SNX7: variants seen among roughly 807,000 people sequenced by gnomAD.
SNX7 encodes sorting nexin 7, also known as sorting nexin-7.
SNX7 carries 35 observed loss-of-function variants against 48.4 expected under a neutral mutation model. The observed-to-expected ratio is 0.72, with a 90% CI of 0.55 to 0.96. The LOEUF (loss-of-function observed/expected upper bound fraction) is 0.96, where lower values mean the gene tolerates loss of function less well. Ranked by LOEUF, SNX7 falls within the 40% of genes least tolerant of loss-of-function variation. The pLI, the probability that SNX7 is intolerant of heterozygous loss-of-function variation, is 0.00. For synonymous variants in SNX7, 190 were observed against 190.2 expected, an observed-to-expected ratio of 1.00 and a Z score of 0.01; for missense variants, 553 against 548.9, an observed-to-expected ratio of 1.01 and a Z score of -0.07.
chr1:98,725,229 A>G (rs1024585544), intron 7 of SNX7, among the ~76,000 whole-genome samples: 6 of 152,176 alleles, frequency 3.9e-5, no homozygotes, highest in African/African-American at 1.4e-4. Context: ...ATATCTATGA[A>G]AATTATTCCA....
At chr1:98,715,802 G>A (rs186719476) in intron 7 of SNX7, among the ~76,000 whole-genome samples, 48 of 152,160 alleles carry the variant, frequency 3.2e-4, no homozygotes, top group African/African-American at 1.1e-3. Flanking sequence ...GGTAGAAAAA[G>A]TTATGTTTAG....
At chr1:98,754,937 T>C (rs1654768961) in intron 8 of SNX7, among the ~76,000 whole-genome samples, 1 of 151,998 alleles carries the variant, frequency 6.6e-6, no homozygotes, top group Non-Finnish European at 1.5e-5. Flanking sequence ...TGTAGGCATT[T>C]AGTGCTAAAA....
intron 1 of SNX7, among the ~76,000 whole-genome samples, chr1:98,668,567 A>T (rs9324392): frequency 1 from 151,900 of 152,328 alleles, 75,737 homozygotes; most frequent in Middle Eastern, 1. Context: ...AACAGTTTTG[A>T]CACACGTATT....
Position 98,691,586 on chromosome 1 carries a change from G to A in SNX7, c.526G>A (p.Asp176Asn). ...AGGAATGGTGGAACGCTTTAACGATGACTTCATTGAGACACGCAGGAAGGC... is the reference window on the plus strand; with the variant it reads ...AGGAATGGTGGAACGCTTTAACGATAACTTCATTGAGACACGCAGGAAGGC... ...VKGMVERFND[D>N]FIETRRKALH... Residue 176 changes from aspartate (D) to asparagine (N), a missense_variant, in exon 4 of 9, where the codon GAC (aspartate) becomes AAC (asparagine). Asp to Asn is a conservative substitution (Grantham distance 23, BLOSUM62 1). Coordinates refer to ENST00000306121, the MANE Select transcript of SNX7 (RefSeq NM_015976.5). 1 of 1,608,844 alleles carries A rather than the reference G, an allele frequency of 6.2e-7. No individual in the cohort carries two copies. Among genetic ancestry groups the A allele is most frequent in the Non-Finnish European group, 8.5e-7 (1 of 1,177,520 alleles).
chr1:98,723,192 C>A (rs1652976783), intron 7 of SNX7, among the ~76,000 whole-genome samples: 1 of 152,210 alleles, frequency 6.6e-6, no homozygotes, highest in South Asian at 2.1e-4. Flanking sequence ...AGAACAACAA[C>A]CCTGCTTTGT....
intron 7 of SNX7, among the ~76,000 whole-genome samples, chr1:98,713,707 A>C (rs1652439840): frequency 6.6e-6 from 1 of 152,178 alleles, no homozygotes; most frequent in Non-Finnish European, 1.5e-5. Context: ...TCATATTTCA[A>C]TATTATTGTC....
At chr1:98,727,120 G>A (rs1354640689) in intron 7 of SNX7, among the ~76,000 whole-genome samples, 1 of 152,062 alleles carries the variant, frequency 6.6e-6, no homozygotes, top group East Asian at 1.9e-4. Flanking sequence ...CAAGGCAGGA[G>A]AATGGCGTGA....
intron 7 of SNX7, among the ~76,000 whole-genome samples, chr1:98,731,849 A>C (rs1653530888): frequency 1.3e-5 from 2 of 152,226 alleles, no homozygotes; most frequent in Non-Finnish European, 2.9e-5. Flanking sequence ...GTGGCACATG[A>C]CTCTACAAAG....
chr1:98,757,763 A>C (rs1427175521), intron 8 of SNX7, among the ~76,000 whole-genome samples: 1 of 152,000 alleles, frequency 6.6e-6, no homozygotes. Flanking sequence ...GATTGAGGCA[A>C]AAGAGCCTTT....
At position 98,760,124 on chromosome 1, in the gene SNX7, A is replaced by T. The variant is rs1448059100; in HGVS notation, c.1349A>T (p.Lys450Ile). Residue 450 changes from lysine (K) to isoleucine (I), a missense_variant, in exon 9 of 9, where the codon AAA becomes ATA. Transcript: ENST00000306121. ...CACTTGGAAGAAGCCTCTGAAGATA[A>T]ACCTTAATCCCATTGAGGACTTCTG... ...NLHLEEASEDKP is the reference protein window; with the variant it reads ...NLHLEEASEDIP 2 of 1,606,124 alleles carry T rather than the reference A, an allele frequency of 1.2e-6. No individual in the cohort carries two copies. The highest frequency in any genetic ancestry group is 1.7e-6 in the Non-Finnish European group (2 of 1,173,278).
chr1:98,663,570 G>A (rs1409325530), intron 1 of SNX7, among the ~76,000 whole-genome samples: 1 of 151,964 alleles, frequency 6.6e-6, no homozygotes, highest in East Asian at 1.9e-4. Flanking sequence ...TGCTGGAGTC[G>A]CAGATGTTCT....
At chr1:98,664,277 C>T (rs557441774) in intron 1 of SNX7, among the ~76,000 whole-genome samples, 2 of 152,252 alleles carry the variant, frequency 1.3e-5, no homozygotes, top group South Asian at 4.1e-4. Flanking sequence ...TGAATTTCCC[C>T]AGCACTTTGG....
chr1:98,678,022 TG>T (rs2100926251), intron 1 of SNX7, among the ~76,000 whole-genome samples: 2 of 150,892 alleles, frequency 1.3e-5, no homozygotes, highest in South Asian at 4.2e-4. Flanking sequence ...TGTGTGTGTG[TG>T]TTAGTCTGTT....
Position 98,698,813 on chromosome 1 carries a change from T to C in SNX7, c.946T>C (p.Cys316Arg). The C allele has an allele frequency of 4.3e-6, 7 of 1,613,846 alleles. No individual in the cohort carries two copies. Among genetic ancestry groups the C allele is most frequent in the Non-Finnish European group, 5.9e-6 (7 of 1,179,818 alleles). ...LKDVASCIDR[C>R]CKATEKRMSG... ...GGATGTTGCCAGCTGCATTGACAGA[T>C]GCTGTAAGGCCACTGAAAAGCGGAT... is the stretch of plus-strand genomic sequence containing the variant. The change falls in exon 6 of 9, where the codon TGC becomes CGC. Residue 316 changes from cysteine (C) to arginine (R), a missense_variant. Transcript: ENST00000306121.
chr1:98,738,201 A>T, intron 7 of SNX7, 36 bp from the exon 8 acceptor site: 1 of 1,594,586 alleles, frequency 6.3e-7, no homozygotes, highest in Non-Finnish European at 8.5e-7. Context: ...GAAAGAATTC[A>T]TAGATCAATG....
chr1:98,701,901 C>A lies in SNX7; in HGVS notation c.1123C>A (p.Leu375Met). The change falls in exon 7 of 9, where the codon CTG (leucine) becomes ATG (methionine). Residue 375 changes from leucine (L) to methionine (M), a missense_variant and splice_region_variant. Coordinates refer to ENST00000306121, the MANE Select transcript of SNX7 (RefSeq NM_015976.5). Reference protein sequence around the residue: ...VLTYKKADTDLLPEEIGKLED... With the variant: ...VLTYKKADTDMLPEEIGKLED... ...GACCTATAAAAAGGCAGATACTGATCTGGTAAGTTTTTAAGTTTCTTGATA... is the reference window on the plus strand; with the variant it reads ...GACCTATAAAAAGGCAGATACTGATATGGTAAGTTTTTAAGTTTCTTGATA... 2 of 1,602,044 alleles carry A rather than the reference C, an allele frequency of 1.2e-6. No individual in the cohort carries two copies. Among genetic ancestry groups the A allele is most frequent in the South Asian group, 2.3e-5 (2 of 88,850 alleles).
chr1:98,693,466 T>C (rs1011916544), intron 4 of SNX7, among the ~76,000 whole-genome samples: 4 of 152,242 alleles, frequency 2.6e-5, no homozygotes, highest in Non-Finnish European at 4.4e-5. Flanking sequence ...GATAGTCCTC[T>C]ATGGAAGCCC....
chr1:98,695,650 G>C lies in SNX7; in HGVS notation c.772G>C (p.Glu258Gln). ...EEFMEMNNFI[E>Q]LFSQKINLID... ...GTTCATGGAAATGAATAACTTTATT[G>C]AACTATTTAGCCAGAAAATAAATTT... is the stretch of plus-strand genomic sequence containing the variant. Residue 258 changes from glutamate to glutamine, a missense_variant, in exon 5 of 9, where the codon GAA becomes CAA. Coordinates refer to ENST00000306121, the MANE Select transcript of SNX7 (RefSeq NM_015976.5). 6.2e-7 allele frequency: 1 copy of C among 1,609,918 alleles called. No individual in the cohort carries two copies. The highest frequency in any genetic ancestry group is 8.5e-7 in the Non-Finnish European group (1 of 1,176,260).
At chr1:98,725,318 C>T (rs983956770) in intron 7 of SNX7, among the ~76,000 whole-genome samples, 5 of 152,132 alleles carry the variant, frequency 3.3e-5, no homozygotes, top group Non-Finnish European at 5.9e-5. Flanking sequence ...TTGAGAAAAA[C>T]ATGTTAAAGC....
Sources: gnomAD v4.1 joint callset for allele counts (sites outside exome capture counted in the v4.1 genomes callset) on GRCh38, gnomAD v4.1.1 for gene constraint, MANE v1.5 for transcripts, NCBI Gene and HGNC (gene_info 2026-07-23, HGNC 2026-07-21) for gene names.